Variants in PTPRK observed in about 807,000 individuals in gnomAD.
PTPRK encodes protein tyrosine phosphatase receptor type K, also known as receptor-type tyrosine-protein phosphatase kappa.
A neutral mutation model predicts 178.0 loss-of-function variants in PTPRK; 75 were observed. That is an observed-to-expected ratio of 0.42 (90% CI 0.35 to 0.51). PTPRK has a LOEUF of 0.51. Among genes scored for constraint, PTPRK ranks in the 20% least tolerant of loss-of-function variants. The pLI is 0.02. For missense variants in PTPRK, 1,441 were observed against 1,797.8 expected (o/e 0.80, Z 3.59); for synonymous variants, 637 against 620.6 (o/e 1.03, Z -0.39).
In PTPRK at chr6:128,454,913, T is replaced by C. The variant is rs567165461; in HGVS notation, c.101-57225A>G. On this transcript the variant is annotated intron_variant, in intron 1 of 29. Coordinates refer to ENST00000368226, the MANE Select transcript of PTPRK (RefSeq NM_002844.4). Reference sequence around the variant, plus strand: ...TGAAGAAATTTTTTTAATGCTCTCCTTTTACTCCAAATTGACTAATCTGAA... The same window carrying C: ...TGAAGAAATTTTTTTAATGCTCTCCCTTTACTCCAAATTGACTAATCTGAA... 2.2e-3 allele frequency among the ~76,000 whole-genome samples: 337 copies of C among 152,256 alleles called. 1 individual carries two copies. The highest frequency in any genetic ancestry group is 3.5e-3 in the Non-Finnish European group (237 of 68,014).
intron 3 of PTPRK, among the ~76,000 whole-genome samples, chr6:128,310,966 T>C (rs1827154784): frequency 6.6e-6 from 1 of 152,068 alleles, no homozygotes; most frequent in Non-Finnish European, 1.5e-5. Context: ...GAGAAGAGCA[T>C]AATCTGGACA....
In PTPRK at chr6:128,240,224, GA is replaced by G. The variant is rs146396628; in HGVS notation, c.578-75del. On this transcript the variant is annotated intron_variant, in intron 4 of 29. Transcript: ENST00000368226. Reference sequence around the variant, plus strand: ...TATGCCATGTTACTTTTCTCCAGCTGAATATTATCATTAGTGTTTTTACCTT... The same window carrying G: ...TATGCCATGTTACTTTTCTCCAGCTGATATTATCATTAGTGTTTTTACCTT... 2.1e-3 allele frequency: 2,334 copies of G among 1,105,378 alleles called. 36 individuals carry two copies. The African/African-American group carries it at 0.033, about 15-fold the overall frequency. The allele number at this position is 1,105,378 out of a possible 1,614,324, so 68.5% of individuals were successfully genotyped here. A position where few individuals can be genotyped will look rare whatever the true frequency, so the allele number is the denominator to read the frequency against.
chr6:128,510,196 C>T (rs147233781), intron 1 of PTPRK, among the ~76,000 whole-genome samples: 1 of 152,268 alleles, frequency 6.6e-6, no homozygotes, highest in Admixed American at 6.5e-5. Context: ...GCTGCCCTGG[C>T]CATTGAAGGT....
intron 2 of PTPRK, among the ~76,000 whole-genome samples, chr6:128,334,070 TCA>T (rs964379299): frequency 1.6e-4 from 24 of 152,128 alleles, no homozygotes; most frequent in Admixed American, 8.5e-4. Context: ...ACAACATTTA[TCA>T]GTTAAGCTCA....
In PTPRK at chr6:128,376,614, C is replaced by A. The variant is rs557144633; in HGVS notation, c.223+20952G>T. Among the ~76,000 whole-genome samples the A allele has an allele frequency of 1.1e-4, 17 of 152,342 alleles. No homozygotes were observed. The South Asian group carries it at 3.3e-3, about 30-fold the overall frequency. ...GGCTCCTCATTACTTATGCAAATTT[C>A]TGCAGCAGGCTTGAATTTCTACTCA... On this transcript the variant is annotated intron_variant, in intron 2 of 29. Transcript: ENST00000368226.
At chr6:128,305,216 T>C (rs182825810) in intron 3 of PTPRK, among the ~76,000 whole-genome samples, 1 of 152,342 alleles carries the variant, frequency 6.6e-6, no homozygotes, top group Non-Finnish European at 1.5e-5. Context: ...CTAATTAATA[T>C]CTGAAATAAA....
At chr6:128,367,767 T>C (rs1487706714) in intron 2 of PTPRK, among the ~76,000 whole-genome samples, 1 of 152,136 alleles carries the variant, frequency 6.6e-6, no homozygotes, top group Non-Finnish European at 1.5e-5. Flanking sequence ...GCCTCATTAA[T>C]ACTAGGTCCC....
intron 13 of PTPRK, among the ~76,000 whole-genome samples, chr6:128,041,080 T>C (rs537614954): frequency 2.4e-4 from 37 of 152,222 alleles, no homozygotes; most frequent in African/African-American, 8.7e-4. Flanking sequence ...ATTTAAGATA[T>C]TTTTATTTTA....
rs998861917 is a variant in PTPRK, at chr6:128,147,939, T to C, written c.1162+36493A>G. Among the ~76,000 whole-genome samples the C allele has an allele frequency of 2.0e-5, 3 of 152,174 alleles. 1 individual carries two copies. The highest frequency in any genetic ancestry group is 4.1e-4 in the South Asian group (2 of 4,832). The stretch of plus-strand genomic sequence containing the variant: ...CTTAAAATGTACAGATTCTTTCTTA[T>C]TGTGGAGAAGGTTAAAAGGTAAATT... On this transcript the variant is annotated intron_variant, in intron 7 of 29. Coordinates refer to ENST00000368226, the MANE Select transcript of PTPRK (RefSeq NM_002844.4).
At chr6:128,372,297 A>G (rs1334033495) in intron 2 of PTPRK, among the ~76,000 whole-genome samples, 2 of 152,240 alleles carry the variant, frequency 1.3e-5, no homozygotes, top group Non-Finnish European at 2.9e-5. Context: ...GGAAATGGTG[A>G]TAAAAATAAA....
chr6:128,393,235 C>A (rs1014180261), intron 2 of PTPRK, among the ~76,000 whole-genome samples: 5 of 152,024 alleles, frequency 3.3e-5, no homozygotes, highest in African/African-American at 1.2e-4. Context: ...GGATTACAGG[C>A]AGCTGCCACC....
chr6:128,476,528 T>C (rs1851395635), intron 1 of PTPRK, among the ~76,000 whole-genome samples: 1 of 151,990 alleles, frequency 6.6e-6, no homozygotes, highest in African/African-American at 2.4e-5. Context: ...GTATGAATTA[T>C]CAGCTAAACA....
chr6:127,997,065 A>T (rs987948538), intron 16 of PTPRK, 77 bp from the exon 17 acceptor site: 1 of 1,461,416 alleles, frequency 6.8e-7, no homozygotes, highest in African/African-American at 1.4e-5. Context: ...TGAAGCCCCA[A>T]ATAGTAAAAA....
intron 7 of PTPRK, among the ~76,000 whole-genome samples, chr6:128,171,267 G>A (rs560792520): frequency 6.6e-6 from 1 of 152,028 alleles, no homozygotes; most frequent in African/African-American, 2.4e-5. Flanking sequence ...AATTCACCAA[G>A]CCAGAAATGA....
intron 13 of PTPRK, among the ~76,000 whole-genome samples, chr6:128,012,931 T>C (rs1458350203): frequency 6.7e-6 from 1 of 149,678 alleles, no homozygotes. Flanking sequence ...TCTTTCTTTT[T>C]CAGTTATAGA....
chr6:128,346,791 C>G (rs757238497), intron 2 of PTPRK, among the ~76,000 whole-genome samples: 2 of 151,946 alleles, frequency 1.3e-5, no homozygotes, highest in Non-Finnish European at 2.9e-5. Context: ...ATAGGATTAC[C>G]GTGAGGAATA....
chr6:128,401,363 T>C (rs1840993398), intron 1 of PTPRK, among the ~76,000 whole-genome samples: 1 of 152,182 alleles, frequency 6.6e-6, no homozygotes, highest in Non-Finnish European at 1.5e-5. Context: ...CTATATTGCC[T>C]AAACATCTAG....
At chr6:128,337,641 A>T (rs796287508) in intron 2 of PTPRK, among the ~76,000 whole-genome samples, 8 of 152,346 alleles carry the variant, frequency 5.3e-5, no homozygotes, top group African/African-American at 1.9e-4. Flanking sequence ...ACTCTAACAG[A>T]TACCATTTCA....
intron 13 of PTPRK, among the ~76,000 whole-genome samples, chr6:128,035,085 A>G (rs753415211): frequency 2.0e-5 from 3 of 152,192 alleles, no homozygotes; most frequent in Non-Finnish European, 4.4e-5. Context: ...AAAAACAATT[A>G]CATTGGCTGG....
Sources: allele counts gnomAD v4.1 joint callset (sites outside exome capture counted in the v4.1 genomes callset), GRCh38; gene constraint gnomAD v4.1.1; transcripts MANE v1.5; gene names NCBI Gene and HGNC (gene_info 2026-07-23, HGNC 2026-07-21).